The following ROCK2 variants were observed in gnomAD, a reference collection of about 807,000 sequenced individuals.
ROCK2 encodes Rho associated coiled-coil containing protein kinase 2, also known as rho-associated protein kinase 2.
ROCK2 carries 61 observed loss-of-function variants against 195.1 expected under a neutral mutation model. That is an observed-to-expected ratio of 0.31 (90% CI 0.25 to 0.39). The LOEUF (loss-of-function observed/expected upper bound fraction) is 0.39. Among genes scored for constraint, ROCK2 ranks in the 10% least tolerant of loss-of-function variants. ROCK2 has a pLI of 1.00. For missense variants in ROCK2, 1,109 were observed against 1,637.4 expected, an observed-to-expected ratio of 0.68 and a Z score of 5.57; for synonymous variants, 504 against 545.5, an observed-to-expected ratio of 0.92 and a Z score of 1.06.
At chr2:11,296,497 AT>A (rs1667543333) in intron 1 of ROCK2, among the ~76,000 whole-genome samples, 1 of 152,166 alleles carries the variant, frequency 6.6e-6, no homozygotes, top group East Asian at 1.9e-4. Context: ...ATAGAAAATT[AT>A]TTTTCTACAA....
chr2:11,249,902 A>T (rs1572305571), intron 3 of ROCK2, 104 bp from the exon 4 acceptor site: 10 of 980,836 alleles, frequency 1.0e-5, no homozygotes, highest in Non-Finnish European at 1.4e-5. Context: ...TTACAAAAAA[A>T]TGGTCCTTAG....
At position 11,284,936 on chromosome 2, in the gene ROCK2, G is replaced by C. The variant is rs145553083; in HGVS notation, c.324+1603C>G. Among the ~76,000 whole-genome samples the C allele has an allele frequency of 2.0e-3, 311 of 152,162 alleles. 1 individual carries two copies. Among genetic ancestry groups the C allele is most frequent in the Admixed American group, 4.0e-3 (61 of 15,276 alleles). On this transcript the variant is annotated intron_variant, in intron 3 of 32. Transcript: ENST00000315872. ...TAACTCATTTGCAAAATTATTCAAC[G>C]TGCTACCATTGCTCCCAAACAAGTC...
At chr2:11,336,047 G>C (rs1668918677) in intron 1 of ROCK2, among the ~76,000 whole-genome samples, 1 of 152,108 alleles carries the variant, frequency 6.6e-6, no homozygotes, top group African/African-American at 2.4e-5. Flanking sequence ...TTTAAACAGT[G>C]ATTATCTCTA....
chr2:11,261,541 G>A (rs146071129), intron 3 of ROCK2, among the ~76,000 whole-genome samples: 22 of 152,260 alleles, frequency 1.4e-4, no homozygotes, highest in Admixed American at 7.2e-4. Flanking sequence ...TGGATTTGCC[G>A]GGCTTGGTGG....
rs367590981 is a variant in ROCK2, at chr2:11,192,342, C to G, written c.3969G>C (p.Thr1323=). Residue 1323 remains threonine, a synonymous_variant, in exon 32 of 33, where the codon ACG becomes ACC. Transcript: ENST00000315872. This position sits in a 1 kb window ranked among gnomAD's most constrained non-coding sequence, Gnocchi z 5.0. ...TTGCTAGTAATAACAGATTCTTTGC[C>G]GTTGAAATATCATAATATACTATAA... ...APCKVYYDIS[T]AKNLLLLANS... is the part of the protein sequence containing the mutation. 1.2e-6 allele frequency: 2 copies of G among 1,611,140 alleles called. No homozygotes were observed. The highest frequency in any genetic ancestry group is 1.7e-6 in the Non-Finnish European group (2 of 1,178,834).
At chr2:11,293,884 C>A (rs960296603) in intron 1 of ROCK2, among the ~76,000 whole-genome samples, 1 of 152,096 alleles carries the variant, frequency 6.6e-6, no homozygotes, top group Non-Finnish European at 1.5e-5. Flanking sequence ...ACGGGCCAGG[C>A]GCGGTGGCTC....
chr2:11,344,034 G>T lies in ROCK2; in HGVS notation c.103C>A (p.Arg35=). The change falls in exon 1 of 33, where the codon CGA becomes AGA. Residue 35 remains arginine, a synonymous_variant. Transcript: ENST00000315872. This position sits in a 1 kb window ranked among gnomAD's most constrained non-coding sequence, Gnocchi z 5.4. ...ACGTTGATGGGGGAGCGAGGGTCTCGGATCAGCGCCTCCAGCTTCCTCTGG... is the reference window on the plus strand; with the variant it reads ...ACGTTGATGGGGGAGCGAGGGTCTCTGATCAGCGCCTCCAGCTTCCTCTGG... ...SRQRKLEALI[R]DPRSPINVES... 1.3e-6 allele frequency: 2 copies of T among 1,588,516 alleles called. No individual in the cohort carries two copies. Among genetic ancestry groups the T allele is most frequent in the South Asian group, 1.1e-5 (1 of 89,938 alleles).
At chr2:11,276,099 G>A (rs1028299858) in intron 3 of ROCK2, among the ~76,000 whole-genome samples, 16 of 152,202 alleles carry the variant, frequency 1.1e-4, no homozygotes, top group Admixed American at 3.9e-4. Flanking sequence ...AAACACCCAC[G>A]TGAATATCAT....
At chr2:11,297,481 T>TA (rs1667571822) in intron 1 of ROCK2, among the ~76,000 whole-genome samples, 1 of 152,148 alleles carries the variant, frequency 6.6e-6, no homozygotes, top group Non-Finnish European at 1.5e-5. Context: ...TCCATATCTC[T>TA]ACTAAAACAG....
At chr2:11,319,649 T>C (rs1421793190) in intron 1 of ROCK2, among the ~76,000 whole-genome samples, 2 of 151,900 alleles carry the variant, frequency 1.3e-5, no homozygotes, top group Non-Finnish European at 1.5e-5. Context: ...TGAATAGGAG[T>C]GGTGAGAGAG....
chr2:11,338,679 A>C (rs1284507059), intron 1 of ROCK2, among the ~76,000 whole-genome samples: 3 of 152,128 alleles, frequency 2.0e-5, no homozygotes, highest in African/African-American at 7.2e-5. Context: ...AAAACAAAAA[A>C]CTGAAAACTA....
At chr2:11,239,289 G>T (rs889815598) in intron 4 of ROCK2, among the ~76,000 whole-genome samples, 4 of 152,048 alleles carry the variant, frequency 2.6e-5, no homozygotes, top group East Asian at 1.9e-4. Context: ...CCACAGGTTG[G>T]GAGGAAATAT....
intron 3 of ROCK2, among the ~76,000 whole-genome samples, chr2:11,267,236 T>C (rs1028069691): frequency 1.3e-5 from 2 of 152,180 alleles, no homozygotes; most frequent in Non-Finnish European, 2.9e-5. Flanking sequence ...GGAAGCACTT[T>C]GACCAGGCTT....
At chr2:11,200,839 T>C (rs1248824753) in intron 23 of ROCK2, 118 bp downstream of exon 23, 2 of 844,598 alleles carry the variant, frequency 2.4e-6, no homozygotes, top group African/African-American at 1.8e-5. Flanking sequence ...AGATTAAAAA[T>C]CTTGTAGTCA....
chr2:11,314,055 G>T (rs138936441), intron 1 of ROCK2, among the ~76,000 whole-genome samples: 2 of 151,882 alleles, frequency 1.3e-5, no homozygotes, highest in African/African-American at 2.4e-5. Flanking sequence ...TTTGGTAGGG[G>T]TAATGGATAA....
chr2:11,238,130 T>C (rs780074925), intron 4 of ROCK2, among the ~76,000 whole-genome samples: 1 of 151,606 alleles, frequency 6.6e-6, no homozygotes, highest in Non-Finnish European at 1.5e-5. Context: ...TGAGACATAA[T>C]TTTAAAATGG....
chr2:11,338,251 GTTGGAAGGATCA>G (rs1217335866), intron 1 of ROCK2, among the ~76,000 whole-genome samples: 1 of 149,974 alleles, frequency 6.7e-6, no homozygotes, highest in Non-Finnish European at 1.5e-5. Context: ...GAGGGGCTAA[GTTGGAAGGATCA>G]TTGAGACCAG....
At chr2:11,297,289 A>G (rs1274681852) in intron 1 of ROCK2, among the ~76,000 whole-genome samples, 1 of 152,142 alleles carries the variant, frequency 6.6e-6, no homozygotes, top group Non-Finnish European at 1.5e-5. Flanking sequence ...AAATACAATA[A>G]CTATCATACC....
chr2:11,237,807 G>A (rs1170976354), intron 4 of ROCK2, among the ~76,000 whole-genome samples: 1 of 152,248 alleles, frequency 6.6e-6, no homozygotes, highest in Non-Finnish European at 1.5e-5. Context: ...GGGCACAGCA[G>A]TGGCTCATGC....
Sources: allele counts gnomAD v4.1 joint callset (sites outside exome capture counted in the v4.1 genomes callset), GRCh38; gene constraint gnomAD v4.1.1; non-coding constraint Gnocchi (gnomAD v3.1); transcripts MANE v1.5; gene names NCBI Gene and HGNC (gene_info 2026-07-23, HGNC 2026-07-21).